Variants in TCF12 observed in about 807,000 individuals in gnomAD.
TCF12 encodes DNA-binding protein HTF4.
A neutral mutation model predicts 86.0 loss-of-function variants in TCF12; 45 were observed. That is an observed-to-expected ratio of 0.52 (90% confidence interval 0.41 to 0.67). The LOEUF (loss-of-function observed/expected upper bound fraction) is 0.67, where lower values mean the gene tolerates loss of function less well. Among genes scored for constraint, TCF12 ranks in the 30% least tolerant of loss-of-function variants. The pLI is 0.00. For synonymous variants in TCF12, 330 were observed against 299.6 expected (o/e 1.10, Z -1.05); for missense variants, 881 against 859.9 (o/e 1.02, Z -0.31).
intron 3 of TCF12, among the ~76,000 whole-genome samples, chr15:56,938,805 A>T (rs924240586): frequency 1.3e-5 from 2 of 152,140 alleles, no homozygotes; most frequent in Non-Finnish European, 2.9e-5. Context: ...AAGCTTCCAC[A>T]TATGAATTTT....
chr15:56,979,488 C>T (rs1180431883), intron 3 of TCF12, among the ~76,000 whole-genome samples: 1 of 152,062 alleles, frequency 6.6e-6, no homozygotes, highest in Non-Finnish European at 1.5e-5. Flanking sequence ...GAAATAGATC[C>T]TGACTTATGA....
At chr15:57,088,067 CT>C (rs1398916501) in intron 4 of TCF12, among the ~76,000 whole-genome samples, 2 of 152,254 alleles carry the variant, frequency 1.3e-5, no homozygotes, top group East Asian at 3.9e-4. Flanking sequence ...GATTTACTTC[CT>C]TTATATTTTA....
chr15:57,024,418 T>G (rs1319859822), intron 3 of TCF12, among the ~76,000 whole-genome samples: 1 of 152,102 alleles, frequency 6.6e-6, no homozygotes, highest in African/African-American at 2.4e-5. Flanking sequence ...TTCACCATGT[T>G]GGCTAGGCTG....
At chr15:57,270,859 C>G (rs1197980552) in intron 18 of TCF12, among the ~76,000 whole-genome samples, 2 of 152,174 alleles carry the variant, frequency 1.3e-5, no homozygotes, top group African/African-American at 4.8e-5. Flanking sequence ...TGGAGGTCCA[C>G]TCCAGACCCT....
intron 3 of TCF12, among the ~76,000 whole-genome samples, chr15:56,937,224 T>G (rs2060507161): frequency 6.6e-6 from 1 of 152,190 alleles, no homozygotes; most frequent in African/African-American, 2.4e-5. Context: ...TTAAATTTTT[T>G]TGGCTGCTGT....
chr15:57,121,853 A>C (rs968222299), intron 5 of TCF12, among the ~76,000 whole-genome samples: 1 of 152,100 alleles, frequency 6.6e-6, no homozygotes, highest in Non-Finnish European at 1.5e-5. Flanking sequence ...ATACAGCTCT[A>C]TTGTTCCTGG....
At chr15:57,093,692 C>G (rs1051739019) in intron 5 of TCF12, among the ~76,000 whole-genome samples, 1 of 152,116 alleles carries the variant, frequency 6.6e-6, no homozygotes, top group Non-Finnish European at 1.5e-5. Flanking sequence ...GGAGCAATTA[C>G]GAGCATGTGC....
chr15:57,277,498 G>T (rs1410683467), intron 19 of TCF12, among the ~76,000 whole-genome samples: 1 of 151,786 alleles, frequency 6.6e-6, no homozygotes, highest in Admixed American at 6.6e-5. Context: ...GTGGGGTGGC[G>T]TGCGCAAGTA....
intron 3 of TCF12, among the ~76,000 whole-genome samples, chr15:56,940,617 C>T (rs562013310): frequency 1.3e-5 from 2 of 148,974 alleles, no homozygotes; most frequent in Non-Finnish European, 3.0e-5. Flanking sequence ...CCTTCTTCTC[C>T]CTCTCCTCCT....
At chr15:57,066,021 C>T (rs1596360033) in intron 4 of TCF12, among the ~76,000 whole-genome samples, 3 of 152,090 alleles carry the variant, frequency 2.0e-5, no homozygotes, top group South Asian at 2.1e-4. Flanking sequence ...TCCTAGTCAT[C>T]GTCTAAACCT....
intron 8 of TCF12, among the ~76,000 whole-genome samples, chr15:57,203,958 G>T (rs1366726223): frequency 3.9e-5 from 6 of 152,130 alleles, no homozygotes; most frequent in African/African-American, 1.2e-4. Context: ...TCACTCCATT[G>T]CACTCCAGCC....
chr15:57,274,893 C>A (rs549036015), intron 19 of TCF12, among the ~76,000 whole-genome samples: 30 of 152,192 alleles, frequency 2.0e-4, no homozygotes, highest in Admixed American at 1.9e-3. Flanking sequence ...CACAGAGATA[C>A]CTACTTCAGA....
At chr15:56,918,470 TC>T (rs1339174753), upstream of TCF12, 1 of 332,744 alleles carries the variant, frequency 3.0e-6, no homozygotes, top group African/African-American at 2.3e-5. Context: ...CGGCCCCAAC[TC>T]CGTCCCGCCT....
chr15:57,086,158 G>C (rs1202899044), intron 4 of TCF12, among the ~76,000 whole-genome samples: 1 of 150,004 alleles, frequency 6.7e-6, no homozygotes, highest in East Asian at 1.9e-4. Flanking sequence ...AAAAAAAATA[G>C]GGTCCCTGTG....
At chr15:56,995,042 A>G (rs1415318789) in intron 3 of TCF12, among the ~76,000 whole-genome samples, 2 of 152,068 alleles carry the variant, frequency 1.3e-5, no homozygotes, top group African/African-American at 4.8e-5. Flanking sequence ...CCACTTGAAG[A>G]GTAAAATATT....
chr15:57,036,107 T>C (rs2066491610), intron 3 of TCF12, among the ~76,000 whole-genome samples: 1 of 142,258 alleles, frequency 7.0e-6, no homozygotes, highest in Admixed American at 7.4e-5. Flanking sequence ...GACTGACACA[T>C]TGAATAGTTT....
chr15:57,065,633 C>A (rs1296225334), intron 4 of TCF12, among the ~76,000 whole-genome samples: 2 of 145,166 alleles, frequency 1.4e-5, no homozygotes, highest in Non-Finnish European at 3.0e-5. Flanking sequence ...CCCGCCCCCC[C>A]ACCACCCCCC....
intron 6 of TCF12, among the ~76,000 whole-genome samples, chr15:57,167,266 ATGTAT>A (rs1311349381): frequency 6.6e-6 from 1 of 152,224 alleles, no homozygotes; most frequent in African/African-American, 2.4e-5. Context: ...TTATAAAATA[ATGTAT>A]TGTAGTAGGC....
chr15:57,255,406 A>G (rs1442041123), intron 16 of TCF12, among the ~76,000 whole-genome samples: 4 of 152,182 alleles, frequency 2.6e-5, no homozygotes, highest in African/African-American at 7.2e-5. Context: ...AGCTCCTACT[A>G]TATGCTGAAG....
Sources: gnomAD v4.1 joint callset for allele counts (sites outside exome capture counted in the v4.1 genomes callset) on GRCh38, gnomAD v4.1.1 for gene constraint, MANE v1.5 for transcripts, NCBI Gene and HGNC (gene_info 2026-07-23, HGNC 2026-07-21) for gene names.